The following DNAH3 variants were observed in gnomAD, a reference collection of about 807,000 sequenced individuals.
DNAH3 encodes the protein dynein axonemal heavy chain 3, also known as axonemal beta dynein heavy chain 3.
Under a neutral mutation model 432.5 loss-of-function variants are expected in DNAH3, and 332 were observed. The ratio of observed to expected loss-of-function variants is 0.77; its 90% CI spans 0.70 to 0.84. DNAH3 has a LOEUF of 0.84. Among genes scored for constraint, DNAH3 ranks in the 40% least tolerant of loss-of-function variants. The pLI is 0.00. For missense variants in DNAH3, 4,861 were observed against 5,114.0 expected (o/e 0.95, Z 1.51); for synonymous variants, 1,956 against 1,900.2 (o/e 1.03, Z -0.76).
chr16:21,098,603 C>G lies in DNAH3; in HGVS notation c.2520+13G>C. On this transcript the variant is annotated intron_variant, in intron 17 of 61. Transcript: ENST00000261383. ...AGTACAGTGTCATAAGTCCCCATCT[C>G]AAGATCCCAAACCTCAAACTCTGCA... is the stretch of plus-strand genomic sequence containing the variant. 6.2e-7 allele frequency: 1 copy of G among 1,606,116 alleles called. No individual in the cohort carries two copies. Among genetic ancestry groups the G allele is most frequent in the Non-Finnish European group, 8.5e-7 (1 of 1,176,698 alleles).
chr16:21,109,667 A>G (rs1336065285), intron 14 of DNAH3, among the ~76,000 whole-genome samples: 1 of 151,630 alleles, frequency 6.6e-6, no homozygotes, highest in African/African-American at 2.4e-5. Flanking sequence ...CGCCTCAATC[A>G]TAACTCACTG....
intron 18 of DNAH3, among the ~76,000 whole-genome samples, chr16:21,095,800 T>C (rs1035271806): frequency 1.3e-5 from 2 of 152,222 alleles, no homozygotes; most frequent in African/African-American, 4.8e-5. Context: ...GGTCTCGCTC[T>C]GTCTCCCAGG....
intron 16 of DNAH3, among the ~76,000 whole-genome samples, chr16:21,103,289 T>G (rs1344327089): frequency 6.9e-6 from 1 of 145,630 alleles, no homozygotes; most frequent in Non-Finnish European, 1.5e-5. Context: ...AAATACCACC[T>G]GTTCCCCCAA....
rs1469003251 is a variant in DNAH3 at position 21,044,285 on chromosome 16, T to C, written c.4462-2082A>G. The stretch of plus-strand genomic sequence containing the variant: ...GGGCAGTATGGCCATTTTCATGATA[T>C]TGATTCTTCCTACCCATGAGCATGG... On this transcript the variant is annotated intron_variant, in intron 31 of 61. Transcript: ENST00000261383. 2.0e-5 allele frequency among the ~76,000 whole-genome samples: 3 copies of C among 149,094 alleles called. No individual in the cohort carries two copies. The Admixed American group carries it at 2.0e-4, about 10-fold the overall frequency.
chr16:21,146,330 TG>T (rs2092783103), intron 1 of DNAH3, among the ~76,000 whole-genome samples: 1 of 151,952 alleles, frequency 6.6e-6, no homozygotes, highest in African/African-American at 2.4e-5. Context: ...CCAGGGAGGG[TG>T]GATCACCTGA....
intron 41 of DNAH3, 178 bp downstream of exon 41, chr16:21,019,446 C>T (rs1005524785): frequency 3.3e-4 from 245 of 748,970 alleles, no homozygotes; most frequent in Admixed American, 1.0e-3. Context: ...CAGTGTGAGA[C>T]ACCACAACCA....
exon 25 of DNAH3, chr16:21,062,546 C>T: frequency 6.2e-7 from 1 of 1,614,180 alleles, no homozygotes; most frequent in South Asian, 1.1e-5. Context: ...GCTGATCATG[C>T]CCACAATTTC....
In DNAH3 at chr16:20,984,210, T is replaced by C. The variant is rs535280134; in HGVS notation, c.7665+867A>G. Among the ~76,000 whole-genome samples the C allele has an allele frequency of 5.5e-5, 8 of 145,786 alleles. No individual in the cohort carries two copies. In the East Asian group the frequency reaches 1.0e-3, roughly 19 times the overall value. On this transcript the variant is annotated intron_variant, in intron 48 of 61. Coordinates refer to ENST00000261383, the Ensembl canonical transcript of DNAH3. The stretch of plus-strand genomic sequence containing the variant: ...GTGTGCACGTGTGCGCATGCGTGCG[T>C]GTGTGTGTGTGTGTATGCATGCATG...
intron 3 of DNAH3, 91 bp downstream of exon 4, chr16:21,145,090 C>CG (rs1240968141): frequency 5.5e-5 from 64 of 1,156,698 alleles, no homozygotes; most frequent in Non-Finnish European, 7.4e-5. Context: ...CCAGCCTGGG[C>CG]GACAGAGTGA....
chr16:20,982,697 T>A, intron 49 of DNAH3, 24 bp downstream of exon 49: 1 of 1,599,490 alleles, frequency 6.3e-7, no homozygotes, highest in South Asian at 1.1e-5. Flanking sequence ...ATATCTAGAG[T>A]CCTAAAATGC....
intron 16 of DNAH3, among the ~76,000 whole-genome samples, chr16:21,100,523 C>T (rs944797643): frequency 2.6e-5 from 4 of 152,216 alleles, no homozygotes; most frequent in Admixed American, 6.5e-5. Flanking sequence ...AGCAAGGAAC[C>T]GTGTTCTATC....
At position 21,098,438 on chromosome 16, in the gene DNAH3, CAA is replaced by C. The variant is rs57032212; in HGVS notation, c.2520+176_2520+177del. ...TGCGCAACAGAGTGAGACCTTGTCT[CAA>C]AAAAAAAAAAAAAAAAAAGAAAAGA... On this transcript the variant is annotated intron_variant, in intron 17 of 61. Transcript: ENST00000261383. Among the ~76,000 whole-genome samples the C allele has an allele frequency of 8.1e-3, 512 of 62,862 alleles. 1 individual carries two copies. Among genetic ancestry groups the C allele is most frequent in the African/African-American group, 0.022 (429 of 19,844 alleles). The allele number at this position is 62,862 out of a possible 152,430, so 41.2% of individuals were successfully genotyped here.
At chr16:21,090,067 CA>C (rs941483616) in intron 18 of DNAH3, among the ~76,000 whole-genome samples, 7 of 150,822 alleles carry the variant, frequency 4.6e-5, no homozygotes, top group South Asian at 2.1e-4. Flanking sequence ...TAAATTAGAC[CA>C]TTTTTTTTTA....
intron 31 of DNAH3, among the ~76,000 whole-genome samples, chr16:21,047,533 C>T (rs1337822865): frequency 6.6e-6 from 1 of 151,518 alleles, no homozygotes; most frequent in Non-Finnish European, 1.5e-5. Context: ...CCATCAGCTC[C>T]TTTAAGCACT....
At position 21,112,116 on chromosome 16, in the gene DNAH3, G is replaced by A. The variant is rs1396131943; in HGVS notation, c.1815-18C>T. On this transcript the variant is annotated intron_variant, in intron 12 of 61. Transcript: ENST00000261383. ...TTAAATATCTTCCATATTGAAGGGT[G>A]TGAAATCAAACACACAAATATAAGT... 1 of 1,546,596 alleles carries A rather than the reference G, an allele frequency of 6.5e-7. No individual in the cohort carries two copies. The highest frequency in any genetic ancestry group is 1.4e-5 in the African/African-American group (1 of 73,716).
At chr16:20,982,728 G>A (rs374594409) in exon 49 of DNAH3, 17 of 1,613,556 alleles carry the variant, frequency 1.1e-5, no homozygotes, top group Admixed American at 1.7e-5. Context: ...TACTCTACCC[G>A]AATGTTGTCA....
At chr16:21,144,627 C>T (rs771015289) in intron 3 of DNAH3, among the ~76,000 whole-genome samples, 2 of 152,108 alleles carry the variant, frequency 1.3e-5, no homozygotes, top group Non-Finnish European at 2.9e-5. Context: ...TTCTTTTAAG[C>T]CACAGAATTT....
At chr16:21,052,656 GAGAA>G (rs2089999109) in intron 28 of DNAH3, among the ~76,000 whole-genome samples, 1 of 152,236 alleles carries the variant, frequency 6.6e-6, no homozygotes, top group Admixed American at 6.5e-5. Context: ...ACAATAGAGA[GAGAA>G]AGAGAGCTGT....
At chr16:21,024,835 G>A in intron 38 of DNAH3, 134 bp from the exon 39 acceptor site, 1 of 712,122 alleles carries the variant, frequency 1.4e-6, no homozygotes. Flanking sequence ...CTAGTCCCCT[G>A]GGTTTACCCA....
Sources: allele counts gnomAD v4.1 joint callset (sites outside exome capture counted in the v4.1 genomes callset), GRCh38; gene constraint gnomAD v4.1.1; transcripts MANE v1.5; gene names NCBI Gene and HGNC (gene_info 2026-07-23, HGNC 2026-07-21).